SMARCA1: variants seen among roughly 807,000 people sequenced by gnomAD.
The protein encoded by SMARCA1 is SWI/SNF-related matrix-associated actin-dependent regulator of chromatin subfamily A member 1.
A neutral mutation model predicts 93.6 loss-of-function variants in SMARCA1; 17 were observed. The observed-to-expected ratio is 0.18, with a 90% CI of 0.12 to 0.27. SMARCA1 has a LOEUF of 0.27. SMARCA1 is among the 10% of genes least tolerant of loss of function. The pLI is 1.00. For missense variants in SMARCA1, 630 were observed against 819.0 expected (o/e 0.77, Z 2.82); for synonymous variants, 271 against 271.4 (o/e 1.00, Z 0.01).
intron 19 of SMARCA1, among the ~76,000 whole-genome samples, chrX:129,476,282 G>A (rs2124228205): frequency 8.9e-6 from 1 of 112,032 alleles, no homozygotes; most frequent in South Asian, 3.8e-4. Context: ...TCCACCACGT[G>A]GTTAGGGCGA....
At chrX:129,480,635 T>C (rs1450245571) in intron 19 of SMARCA1, 66 bp downstream of exon 19, 2 of 429,505 alleles carry the variant, frequency 4.7e-6, no homozygotes, top group Non-Finnish European at 3.5e-6. Flanking sequence ...CCTTCTAGTC[T>C]AGATTAACAG....
intron 5 of SMARCA1, among the ~76,000 whole-genome samples, chrX:129,514,616 G>A (rs1314642815): frequency 1.8e-5 from 2 of 112,010 alleles, no homozygotes; most frequent in Non-Finnish European, 3.8e-5. Flanking sequence ...ATTCCCAAAA[G>A]GATTTCAGGT....
intron 21 of SMARCA1, among the ~76,000 whole-genome samples, chrX:129,468,490 G>C (rs1419061247): frequency 1.8e-5 from 2 of 111,881 alleles, no homozygotes; most frequent in Non-Finnish European, 3.8e-5. Context: ...GGGAAGGTGG[G>C]AAACTAATTT....
intron 14 of SMARCA1, 74 bp downstream of exon 14, chrX:129,491,867 T>C: frequency 3.0e-6 from 2 of 675,891 alleles, no homozygotes; most frequent in Non-Finnish European, 4.3e-6. Flanking sequence ...TTATCATAAA[T>C]GACCTTTATG....
intron 23 of SMARCA1, among the ~76,000 whole-genome samples, chrX:129,462,055 A>G (rs990724330): frequency 1.8e-5 from 2 of 112,104 alleles, no homozygotes; most frequent in Non-Finnish European, 3.8e-5. Context: ...GGAGCCATGA[A>G]TTCAGTACTT....
chrX:129,487,525 G>A (rs1933942471), intron 16 of SMARCA1, among the ~76,000 whole-genome samples: 1 of 112,309 alleles, frequency 8.9e-6, no homozygotes, highest in Admixed American at 9.5e-5. Context: ...TAAAATGCAG[G>A]TTATTACCTG....
chrX:129,480,935 T>G (rs1173588162), intron 18 of SMARCA1, 121 bp from the exon 19 acceptor site: 1 of 574,839 alleles, frequency 1.7e-6, no homozygotes, highest in Non-Finnish European at 2.7e-6. Context: ...TTTATATGGC[T>G]GGGCCAAATC....
intron 5 of SMARCA1, among the ~76,000 whole-genome samples, chrX:129,512,887 C>A (rs1935060957): frequency 8.9e-6 from 1 of 111,999 alleles, no homozygotes; most frequent in African/African-American, 3.2e-5. Flanking sequence ...ATTATTTACA[C>A]TACACATCGG....
chrX:129,484,782 A>T lies in SMARCA1; in HGVS notation c.2217+2236T>A, dbSNP rs180932494. 6.5e-3 allele frequency among the ~76,000 whole-genome samples: 724 copies of T among 112,102 alleles called. 6 individuals carry two copies. The highest frequency in any genetic ancestry group is 0.022 in the African/African-American group (678 of 30,897). ...ATAAATACATATAGATGGAATGAAG[A>T]AAATACAAAATTACCATTAGGCAAA... is the stretch of plus-strand genomic sequence containing the variant. On this transcript the variant is annotated intron_variant, in intron 17 of 24. Transcript: ENST00000371121.
chrX:129,453,403 C>T (rs763675839), intron 23 of SMARCA1, among the ~76,000 whole-genome samples: 10 of 111,590 alleles, frequency 9.0e-5, no homozygotes, highest in Non-Finnish European at 1.5e-4. Context: ...AGGATGCCCT[C>T]TCTCCCCACT....
intron 9 of SMARCA1, among the ~76,000 whole-genome samples, chrX:129,500,831 T>C (rs1248336452): frequency 8.9e-6 from 1 of 112,233 alleles, no homozygotes; most frequent in African/African-American, 3.2e-5. Context: ...CCATCATCTA[T>C]GCGGTCCATC....
In SMARCA1 at chrX:129,502,666, A is replaced by C. The variant is rs1416276264; in HGVS notation, c.1167+2068T>G. Among the ~76,000 whole-genome samples the C allele has an allele frequency of 1.1e-4, 12 of 111,336 alleles. No homozygotes were observed. The Admixed American group carries it at 1.2e-3, about 11-fold the overall frequency. ...AAGGAGCTTAGCTATCAAGGGAAGA[A>C]AACGGAATCACAGCCAGAGGGACAC... On this transcript the variant is annotated intron_variant, in intron 9 of 24. Coordinates refer to ENST00000371121, the MANE Select transcript of SMARCA1 (RefSeq NM_001282874.2).
chrX:129,491,908 G>A, intron 14 of SMARCA1, 33 bp downstream of exon 14: 1 of 1,075,070 alleles, frequency 9.3e-7, no homozygotes, highest in South Asian at 2.3e-5. Flanking sequence ...TCAGAGCTAT[G>A]ATAAATTTCT....
At chrX:129,463,378 G>C (rs1932839707) in intron 23 of SMARCA1, among the ~76,000 whole-genome samples, 1 of 111,626 alleles carries the variant, frequency 9.0e-6, no homozygotes, top group Non-Finnish European at 1.9e-5. Context: ...GTAACTTACT[G>C]CCAATGTCTT....
In SMARCA1 at chrX:129,515,739, C is replaced by A. The variant is rs1223901326; in HGVS notation, c.578G>T (p.Trp193Leu). ...LRDYQIRGLN[W>L]LISLYENGVN... ...TCCATTTTCATATAAAGAGATCAAC[C>A]AATTCAGTCCTCGAATCTGATAATC... The change falls in exon 5 of 25, where the codon TGG (tryptophan) becomes TTG (leucine). Residue 193 changes from tryptophan (W) to leucine (L), a missense_variant. Physicochemically the swap from Trp to Leu is moderately conservative, Grantham distance 61 (BLOSUM62 -2). Transcript: ENST00000371121. The A allele has an allele frequency of 5.0e-6, 6 of 1,205,119 alleles. No individual in the cohort carries two copies. The highest frequency in any genetic ancestry group is 3.0e-5 in the East Asian group (1 of 33,747).
chrX:129,512,860 A>T (rs1427016054), intron 5 of SMARCA1, among the ~76,000 whole-genome samples: 1 of 112,114 alleles, frequency 8.9e-6, no homozygotes, highest in Non-Finnish European at 1.9e-5. Context: ...ACTAAATTAC[A>T]AGAGTCTTAT....
chrX:129,478,678 G>A (rs907127907), intron 19 of SMARCA1, among the ~76,000 whole-genome samples: 1 of 112,096 alleles, frequency 8.9e-6, no homozygotes, highest in African/African-American at 3.2e-5. Context: ...AACCAGACCG[G>A]TGGCCAGAAT....
intron 24 of SMARCA1, chrX:129,447,447 T>C: frequency 3.1e-6 from 1 of 324,038 alleles, no homozygotes; most frequent in Non-Finnish European, 5.2e-6. Flanking sequence ...TGAAAAGACA[T>C]AAAATACCCA....
rs956376256 is a variant in SMARCA1 at position 129,480,645 on chromosome X, G to T, written c.2442+56C>A. 6.2e-6 allele frequency: 3 copies of T among 486,327 alleles called. No individual in the cohort carries two copies. The East Asian group carries it at 1.5e-4, about 24-fold the overall frequency. The allele number at this position is 486,327 out of a possible 1,213,427, so 40.1% of individuals were successfully genotyped here. On this transcript the variant is annotated intron_variant, in intron 19 of 24. Transcript: ENST00000371121. ...CAACACCTTCTAGTCTAGATTAACA[G>T]ATTAAATTATTTTTAAAGATTATAT...
Sources: allele counts gnomAD v4.1 joint callset (sites outside exome capture counted in the v4.1 genomes callset), GRCh38; gene constraint gnomAD v4.1.1; transcripts MANE v1.5; gene names NCBI Gene and HGNC (gene_info 2026-07-23, HGNC 2026-07-21).